NMNAT2: variants seen among roughly 807,000 people sequenced by gnomAD.
The protein encoded by NMNAT2 is nicotinamide nucleotide adenylyltransferase 2, also known as nicotinamide/nicotinic acid mononucleotide adenylyltransferase 2.
Under a neutral mutation model 41.6 loss-of-function variants are expected in NMNAT2, and 11 were observed. The observed-to-expected ratio is 0.26, with a 90% CI of 0.17 to 0.44. NMNAT2 has a LOEUF of 0.44. NMNAT2 is among the 20% of genes least tolerant of loss of function. NMNAT2 has a pLI of 1.00. For synonymous variants in NMNAT2, 148 were observed against 151.2 expected, an observed-to-expected ratio of 0.98 and a Z score of 0.16; for missense variants, 288 against 407.7, an observed-to-expected ratio of 0.71 and a Z score of 2.53.
intron 3 of NMNAT2, among the ~76,000 whole-genome samples, chr1:183,291,221 C>CT (rs1423644516): frequency 6.6e-6 from 1 of 152,082 alleles, no homozygotes; most frequent in Non-Finnish European, 1.5e-5. Flanking sequence ...CCTGCCTTGT[C>CT]TAACATTTTC....
At chr1:183,337,443 C>T (rs1662700163) in intron 1 of NMNAT2, among the ~76,000 whole-genome samples, 1 of 151,688 alleles carries the variant, frequency 6.6e-6, no homozygotes, top group Non-Finnish European at 1.5e-5. Context: ...TTAGTGTTAT[C>T]ATTATCACAC....
intron 1 of NMNAT2, among the ~76,000 whole-genome samples, chr1:183,357,128 G>A (rs1663209736): frequency 6.6e-6 from 1 of 151,708 alleles, no homozygotes; most frequent in Non-Finnish European, 1.5e-5. Context: ...CGTTGGTGAG[G>A]TTTAGGGAAA....
intron 1 of NMNAT2, among the ~76,000 whole-genome samples, chr1:183,338,733 T>C (rs938550399): frequency 2.0e-5 from 3 of 152,146 alleles, no homozygotes; most frequent in African/African-American, 7.2e-5. Flanking sequence ...GGCAATTTAT[T>C]ATTAAACCCG....
At chr1:183,403,019 C>T (rs977666573) in intron 1 of NMNAT2, among the ~76,000 whole-genome samples, 1 of 151,424 alleles carries the variant, frequency 6.6e-6, no homozygotes. Context: ...CTGCAAACTC[C>T]GCCTCCCAGG....
intron 1 of NMNAT2, among the ~76,000 whole-genome samples, chr1:183,358,448 C>T (rs1663242720): frequency 6.6e-6 from 1 of 152,148 alleles, no homozygotes; most frequent in South Asian, 2.1e-4. Flanking sequence ...AAAACTAGAA[C>T]ATCTCAGGGG....
intron 1 of NMNAT2, among the ~76,000 whole-genome samples, chr1:183,327,693 CA>C (rs1400254199): frequency 6.6e-6 from 1 of 152,224 alleles, no homozygotes; most frequent in African/African-American, 2.4e-5. Context: ...TCTGTACTCA[CA>C]AACTAGGCAA....
intron 8 of NMNAT2, 142 bp from the exon 9 acceptor site, chr1:183,261,445 C>T (rs1347972853): frequency 1.4e-6 from 1 of 706,138 alleles, no homozygotes; most frequent in African/African-American, 1.8e-5. Flanking sequence ...CTTCTCAGCC[C>T]CATCAGCCAG....
Position 183,251,277 on chromosome 1 carries a change from A to G in NMNAT2, c.*1364T>C. 6.6e-6 allele frequency: 1 copy of G among 152,234 alleles called. No individual in the cohort carries two copies. Among genetic ancestry groups the G allele is most frequent in the East Asian group, 1.9e-4 (1 of 5,204 alleles). The allele number at this position is 152,234 out of a possible 1,614,324, so 9.4% of individuals were successfully genotyped here. On this transcript the variant is annotated 3_prime_UTR_variant, in exon 11 of 11. Transcript: ENST00000287713. ...TGCAGGGGCTAGAACCAACCACAGA[A>G]ACAAGACCAAGGCACTGCTTCTCAA...
intron 1 of NMNAT2, among the ~76,000 whole-genome samples, chr1:183,348,787 C>T (rs572844295): frequency 2.6e-5 from 4 of 152,274 alleles, no homozygotes; most frequent in South Asian, 2.1e-4. Flanking sequence ...TGTGTTTTGG[C>T]GAGATCTGAG....
chr1:183,411,155 A>T (rs915517355), intron 1 of NMNAT2, among the ~76,000 whole-genome samples: 1 of 151,000 alleles, frequency 6.6e-6, no homozygotes, highest in Non-Finnish European at 1.5e-5. Flanking sequence ...CCTCATTCTC[A>T]CCTCTTTTGT....
intron 1 of NMNAT2, among the ~76,000 whole-genome samples, chr1:183,379,990 G>A (rs574947367): frequency 1.3e-5 from 2 of 152,144 alleles, no homozygotes; most frequent in African/African-American, 4.8e-5. Context: ...ATTGTACTTC[G>A]ATGTTCTGCC....
chr1:183,365,653 A>G (rs912951960), intron 1 of NMNAT2, among the ~76,000 whole-genome samples: 14 of 151,970 alleles, frequency 9.2e-5, no homozygotes, highest in Non-Finnish European at 1.8e-4. Flanking sequence ...CAGGAGAATC[A>G]CTTGAACCTG....
At chr1:183,299,305 G>C (rs995976308) in intron 1 of NMNAT2, among the ~76,000 whole-genome samples, 1 of 152,046 alleles carries the variant, frequency 6.6e-6, no homozygotes, top group Non-Finnish European at 1.5e-5. Flanking sequence ...GAACCTGGGA[G>C]GTGGAGGTTG....
chr1:183,416,917 C>A (rs1019026423), intron 1 of NMNAT2, among the ~76,000 whole-genome samples: 7 of 152,198 alleles, frequency 4.6e-5, no homozygotes, highest in African/African-American at 1.7e-4. Context: ...CCAGCTCCGG[C>A]GCGCCCTGCA....
chr1:183,323,599 A>G (rs1300145401), intron 1 of NMNAT2, among the ~76,000 whole-genome samples: 1 of 152,230 alleles, frequency 6.6e-6, no homozygotes, highest in Non-Finnish European at 1.5e-5. Flanking sequence ...AATGCAAAGA[A>G]GTGGGCCCCA....
At chr1:183,285,858 G>T (rs927352597) in intron 5 of NMNAT2, among the ~76,000 whole-genome samples, 2 of 152,158 alleles carry the variant, frequency 1.3e-5, no homozygotes, top group Admixed American at 1.3e-4. Flanking sequence ...TGGGCACATA[G>T]TCCTAGGTTT....
intron 1 of NMNAT2, among the ~76,000 whole-genome samples, chr1:183,345,571 C>A (rs185052132): frequency 6.6e-6 from 1 of 152,282 alleles, no homozygotes; most frequent in African/African-American, 2.4e-5. Context: ...CCATGTAATA[C>A]CCTGTGCTAT....
In NMNAT2 at chr1:183,292,780, C is replaced by T. The variant is rs1661577728; in HGVS notation, c.242+10G>A. 6.2e-7 allele frequency: 1 copy of T among 1,613,268 alleles called. No individual in the cohort carries two copies. Among genetic ancestry groups the T allele is most frequent in the East Asian group, 2.2e-5 (1 of 44,850 alleles). On this transcript the variant is annotated intron_variant, in intron 3 of 10. Transcript: ENST00000287713. ...GGCCACTGCCTCTGGCATCTTCAGGCCAGTCCTACCTGATCCAATCAGAAT... is the reference window on the plus strand; with the variant it reads ...GGCCACTGCCTCTGGCATCTTCAGGTCAGTCCTACCTGATCCAATCAGAAT...
intron 1 of NMNAT2, chr1:183,304,751 GT>G: frequency 6.2e-7 from 1 of 1,613,862 alleles, no homozygotes. Context: ...TATTTGTCTG[GT>G]TTTTGCAGCC....
Sources: allele counts gnomAD v4.1 joint callset (sites outside exome capture counted in the v4.1 genomes callset), GRCh38; gene constraint gnomAD v4.1.1; transcripts MANE v1.5; gene names NCBI Gene and HGNC (gene_info 2026-07-23, HGNC 2026-07-21).